LRRTM3: variants seen among roughly 807,000 people sequenced by gnomAD.
LRRTM3 encodes leucine-rich repeat transmembrane neuronal protein 3.
LRRTM3 carries 24 observed loss-of-function variants against 44.7 expected under a neutral mutation model. The observed-to-expected ratio is 0.54, with a 90% CI of 0.39 to 0.76. LRRTM3 has a LOEUF of 0.76. Among genes scored for constraint, LRRTM3 ranks in the 30% least tolerant of loss-of-function variants. The pLI, the probability that LRRTM3 is intolerant of heterozygous loss-of-function variation, is 0.00. For missense variants in LRRTM3, 587 were observed against 702.2 expected (o/e 0.84, Z 1.85); for synonymous variants, 277 against 278.7 (o/e 0.99, Z 0.06).
intron 2 of LRRTM3, among the ~76,000 whole-genome samples, chr10:66,971,990 C>T (rs1589521072): frequency 1.3e-5 from 2 of 151,882 alleles, no homozygotes; most frequent in South Asian, 4.2e-4. Context: ...CTTTAATTAA[C>T]CCCCATGACT....
intron 2 of LRRTM3, among the ~76,000 whole-genome samples, chr10:66,934,572 A>G (rs1347161483): frequency 2.6e-5 from 4 of 152,158 alleles, no homozygotes; most frequent in Non-Finnish European, 5.9e-5. Flanking sequence ...GCAATTGAAA[A>G]AACAGGATAT....
chr10:66,984,570 A>T (rs955734529), intron 2 of LRRTM3, among the ~76,000 whole-genome samples: 3 of 152,180 alleles, frequency 2.0e-5, no homozygotes, highest in Non-Finnish European at 4.4e-5. Flanking sequence ...CTGCTACATA[A>T]ACTTGATCTT....
chr10:66,957,195 AAG>A (rs2132750444), intron 2 of LRRTM3, among the ~76,000 whole-genome samples: 1 of 152,104 alleles, frequency 6.6e-6, no homozygotes, highest in South Asian at 2.1e-4. Flanking sequence ...AACTTTATCA[AAG>A]ATATCTCCCA....
chr10:67,089,494 C>T (rs978943646), intron 2 of LRRTM3, among the ~76,000 whole-genome samples: 3 of 151,746 alleles, frequency 2.0e-5, no homozygotes, highest in African/African-American at 7.3e-5. Flanking sequence ...GATTGCTCTT[C>T]GAACAAATAA....
intron 2 of LRRTM3, among the ~76,000 whole-genome samples, chr10:67,062,578 C>T (rs1855824057): frequency 6.6e-6 from 1 of 152,058 alleles, no homozygotes; most frequent in Non-Finnish European, 1.5e-5. Context: ...ACTTAGAACA[C>T]AAAATATAAA....
At chr10:66,932,970 C>T (rs1056741342) in intron 2 of LRRTM3, among the ~76,000 whole-genome samples, 2 of 152,168 alleles carry the variant, frequency 1.3e-5, no homozygotes, top group African/African-American at 4.8e-5. Flanking sequence ...AGGTACATTT[C>T]CTGGCTTTTC....
intron 2 of LRRTM3, among the ~76,000 whole-genome samples, chr10:67,074,789 C>A (rs979269523): frequency 1.3e-5 from 2 of 152,128 alleles, no homozygotes; most frequent in South Asian, 2.1e-4. Context: ...AAAATACATT[C>A]TTAATATTAT....
chr10:67,012,730 C>T (rs1257086839), intron 2 of LRRTM3, among the ~76,000 whole-genome samples: 1 of 151,972 alleles, frequency 6.6e-6, no homozygotes, highest in Non-Finnish European at 1.5e-5. Context: ...TCCAGCTTCA[C>T]GGTGGTTTTG....
intron 2 of LRRTM3, among the ~76,000 whole-genome samples, chr10:67,005,680 A>ATTTTTTTTT (rs1564825972): frequency 2.3e-4 from 6 of 26,368 alleles, no homozygotes; most frequent in East Asian, 2.6e-3. Context: ...ATTTTACTCC[A>ATTTTTTTTT]TCTTTTTTTT....
intron 2 of LRRTM3, among the ~76,000 whole-genome samples, chr10:67,022,360 T>C (rs562818476): frequency 3.3e-4 from 50 of 152,262 alleles, no homozygotes; most frequent in East Asian, 2.1e-3. Flanking sequence ...TGTGTGTGTG[T>C]GTTCTATGAA....
At chr10:67,043,867 A>G (rs1005155532) in intron 2 of LRRTM3, among the ~76,000 whole-genome samples, 2 of 151,366 alleles carry the variant, frequency 1.3e-5, no homozygotes, top group African/African-American at 4.8e-5. Flanking sequence ...TATATGCCCA[A>G]CATTCTGTTC....
In LRRTM3 at chr10:66,927,972, C is replaced by T; in HGVS notation, c.1056C>T (p.Ile352=). ...SPKELQGVNV[I]DAVKNYSICG... ...AAGAGCTGCAAGGAGTAAATGTGAT[C>T]GATGCAGTGAAGAACTACAGCATCT... The change falls in exon 2 of 3, where the codon ATC becomes ATT. Residue 352 remains isoleucine (I), a synonymous_variant. Transcript: ENST00000361320. This position sits in a 1 kb window ranked among gnomAD's most constrained non-coding sequence, Gnocchi z 4.7. 2 of 1,614,160 alleles carry T rather than the reference C, an allele frequency of 1.2e-6. No homozygotes were observed. The highest frequency in any genetic ancestry group is 1.1e-5 in the South Asian group (1 of 91,082).
intron 2 of LRRTM3, among the ~76,000 whole-genome samples, chr10:67,042,056 A>G (rs1041454216): frequency 5.3e-5 from 8 of 152,148 alleles, no homozygotes; most frequent in African/African-American, 1.7e-4. Context: ...GCTGAGAGAC[A>G]AAAAAAGGCC....
At chr10:66,978,736 C>T (rs2132867794) in intron 2 of LRRTM3, among the ~76,000 whole-genome samples, 1 of 148,186 alleles carries the variant, frequency 6.7e-6, no homozygotes, top group Non-Finnish European at 1.5e-5. Flanking sequence ...CTAAACCTGT[C>T]ACATTATTTT....
At chr10:66,983,960 T>C (rs1850587743) in intron 2 of LRRTM3, among the ~76,000 whole-genome samples, 1 of 152,204 alleles carries the variant, frequency 6.6e-6, no homozygotes, top group Admixed American at 6.5e-5. Flanking sequence ...AAATGGTAGA[T>C]ACTATTATTA....
At chr10:67,077,099 C>G (rs144055418) in intron 2 of LRRTM3, among the ~76,000 whole-genome samples, 17 of 152,292 alleles carry the variant, frequency 1.1e-4, no homozygotes, top group African/African-American at 3.6e-4. Context: ...TGACCCTCTA[C>G]CTCAATCACT....
At chr10:67,036,738 A>G (rs1398127253) in intron 2 of LRRTM3, among the ~76,000 whole-genome samples, 1 of 152,194 alleles carries the variant, frequency 6.6e-6, no homozygotes, top group Non-Finnish European at 1.5e-5. Flanking sequence ...TTTATGCAAT[A>G]AATATTATCT....
intron 2 of LRRTM3, among the ~76,000 whole-genome samples, chr10:67,069,235 C>T (rs1856283895): frequency 6.6e-6 from 1 of 151,794 alleles, no homozygotes; most frequent in Non-Finnish European, 1.5e-5. Context: ...TCAAAGTATA[C>T]CCTTTTTTAA....
intron 2 of LRRTM3, among the ~76,000 whole-genome samples, chr10:66,968,251 C>A (rs949480064): frequency 7.9e-5 from 12 of 151,660 alleles, no homozygotes; most frequent in Non-Finnish European, 1.6e-4. Context: ...TTTTTAAAAA[C>A]AGTTTCCAAA....
Sources: allele counts gnomAD v4.1 joint callset (sites outside exome capture counted in the v4.1 genomes callset), GRCh38; gene constraint gnomAD v4.1.1; non-coding constraint Gnocchi (gnomAD v3.1); transcripts MANE v1.5; gene names NCBI Gene and HGNC (gene_info 2026-07-23, HGNC 2026-07-21).